Variants in DENND1A observed in about 807,000 individuals in gnomAD.
DENND1A encodes DENN domain-containing protein 1A.
A neutral mutation model predicts 113.7 loss-of-function variants in DENND1A; 51 were observed. That is an observed-to-expected ratio of 0.45 (90% CI 0.36 to 0.57). DENND1A has a LOEUF of 0.57. Among genes scored for constraint, DENND1A ranks in the 20% least tolerant of loss-of-function variants. The pLI, the probability that DENND1A is intolerant of heterozygous loss-of-function variation, is 0.00. For synonymous variants in DENND1A, 565 were observed against 570.8 expected (o/e 0.99, Z 0.14); for missense variants, 1,258 against 1,395.9 (o/e 0.90, Z 1.57).
intron 13 of DENND1A, among the ~76,000 whole-genome samples, chr9:123,476,262 G>A (rs139432910): frequency 1.3e-5 from 2 of 152,058 alleles, no homozygotes; most frequent in Admixed American, 1.3e-4. Flanking sequence ...AGGGATTTCC[G>A]TATATGAGAG....
intron 19 of DENND1A, among the ~76,000 whole-genome samples, chr9:123,433,173 T>A (rs1016084900): frequency 6.6e-6 from 1 of 152,186 alleles, no homozygotes; most frequent in Non-Finnish European, 1.5e-5. Flanking sequence ...TAGCAACCTA[T>A]GACGTGGACC....
chr9:123,760,970 G>C (rs912068476), intron 4 of DENND1A, among the ~76,000 whole-genome samples: 15 of 152,170 alleles, frequency 9.9e-5, no homozygotes, highest in Non-Finnish European at 2.9e-5. Flanking sequence ...TTCACTTCTA[G>C]AATGTTTAAA....
At chr9:123,655,322 C>A (rs905688067) in intron 8 of DENND1A, among the ~76,000 whole-genome samples, 1 of 152,168 alleles carries the variant, frequency 6.6e-6, no homozygotes, top group Non-Finnish European at 1.5e-5. Context: ...ACGGAGGAAG[C>A]AATGGCTGAG....
intron 5 of DENND1A, among the ~76,000 whole-genome samples, chr9:123,717,120 C>G (rs2067024231): frequency 6.6e-6 from 1 of 152,114 alleles, no homozygotes; most frequent in African/African-American, 2.4e-5. Context: ...ATTTGAGAGA[C>G]CCGGTGGCCA....
At chr9:123,629,475 G>C (rs913813700) in intron 10 of DENND1A, among the ~76,000 whole-genome samples, 1 of 152,232 alleles carries the variant, frequency 6.6e-6, no homozygotes, top group Non-Finnish European at 1.5e-5. Context: ...TGAGGACGAT[G>C]ATGTGTCTGC....
chr9:123,926,848 T>C (rs1200774922), intron 1 of DENND1A, among the ~76,000 whole-genome samples: 2 of 151,836 alleles, frequency 1.3e-5, no homozygotes, highest in Non-Finnish European at 2.9e-5. Context: ...TCTCAAGAAG[T>C]TTATGTCCAG....
intron 5 of DENND1A, among the ~76,000 whole-genome samples, chr9:123,693,833 A>ATTAT (rs1554962972): frequency 2.2e-4 from 33 of 147,474 alleles, no homozygotes; most frequent in African/African-American, 8.2e-4. Context: ...TATTATTATT[A>ATTAT]TTATTATTAT....
At chr9:123,528,295 T>A (rs980687322) in intron 13 of DENND1A, among the ~76,000 whole-genome samples, 3 of 152,322 alleles carry the variant, frequency 2.0e-5, no homozygotes, top group Admixed American at 1.3e-4. Context: ...GTGAAGCCAT[T>A]TTCTTCTTGG....
intron 1 of DENND1A, among the ~76,000 whole-genome samples, chr9:123,904,870 C>G (rs960014264): frequency 6.6e-6 from 1 of 152,136 alleles, no homozygotes; most frequent in East Asian, 1.9e-4. Flanking sequence ...CACACAGATA[C>G]TCCTTGAGAA....
chr9:123,578,450 G>A (rs920686726), intron 12 of DENND1A, among the ~76,000 whole-genome samples: 1 of 152,208 alleles, frequency 6.6e-6, no homozygotes, highest in East Asian at 1.9e-4. Context: ...CGCAATCACA[G>A]CTCACTGCAA....
Position 123,436,207 on chromosome 9 carries a change from C to T in DENND1A, c.1488+4153G>A, listed in dbSNP as rs866570432. Among the ~76,000 whole-genome samples the T allele has an allele frequency of 2.0e-5, 3 of 152,188 alleles. No homozygotes were observed. In the South Asian group the frequency reaches 6.2e-4, roughly 31 times the overall value. ...CCCTCCCAGAGGAAGAGGAAGAATG[C>T]CTTCCCGGGGAGTCTGGGAGAAGGA... On this transcript the variant is annotated intron_variant, in intron 19 of 23. Transcript: ENST00000394215.
intron 2 of DENND1A, among the ~76,000 whole-genome samples, chr9:123,793,404 C>CTAT (rs1833303401): frequency 6.6e-6 from 1 of 152,134 alleles, no homozygotes; most frequent in African/African-American, 2.4e-5. Flanking sequence ...AAATTAAAAG[C>CTAT]TATTAGCATT....
intron 13 of DENND1A, among the ~76,000 whole-genome samples, chr9:123,525,639 A>G (rs2054770394): frequency 6.6e-6 from 1 of 152,114 alleles, no homozygotes; most frequent in African/African-American, 2.4e-5. Flanking sequence ...CACTCCAAAC[A>G]CAGTACAAAA....
At chr9:123,783,145 C>T (rs990203509) in intron 3 of DENND1A, among the ~76,000 whole-genome samples, 1 of 152,196 alleles carries the variant, frequency 6.6e-6, no homozygotes, top group African/African-American at 2.4e-5. Flanking sequence ...ATATAGATTT[C>T]ACAACTGGAA....
intron 13 of DENND1A, among the ~76,000 whole-genome samples, chr9:123,514,094 GTGTA>G (rs145617909): frequency 0.017 from 779 of 46,540 alleles, 4 homozygotes; most frequent in Middle Eastern, 0.026. Flanking sequence ...GTGTGTGTGT[GTGTA>G]TGTGTGTGTG....
At chr9:123,606,687 T>G (rs1461056366) in intron 11 of DENND1A, among the ~76,000 whole-genome samples, 1 of 152,260 alleles carries the variant, frequency 6.6e-6, no homozygotes, top group African/African-American at 2.4e-5. Context: ...ATTACAGCTT[T>G]CCAAGCATTC....
At chr9:123,775,840 G>A (rs1427070388) in intron 3 of DENND1A, among the ~76,000 whole-genome samples, 2 of 152,104 alleles carry the variant, frequency 1.3e-5, no homozygotes, top group African/African-American at 2.4e-5. Flanking sequence ...TACAACACAC[G>A]AAAAAGCAGT....
chr9:123,848,801 T>A (rs764570138), intron 2 of DENND1A, among the ~76,000 whole-genome samples: 2 of 152,106 alleles, frequency 1.3e-5, no homozygotes, highest in Non-Finnish European at 2.9e-5. Context: ...GATAATAAAG[T>A]GAAACAGCCT....
intron 12 of DENND1A, among the ~76,000 whole-genome samples, chr9:123,571,692 C>G (rs536473780): frequency 3.9e-5 from 6 of 152,176 alleles, no homozygotes; most frequent in African/African-American, 1.4e-4. Context: ...GTTTATTTAT[C>G]CATCTACCAT....
Sources: gnomAD v4.1 joint callset for allele counts (sites outside exome capture counted in the v4.1 genomes callset) on GRCh38, gnomAD v4.1.1 for gene constraint, MANE v1.5 for transcripts, NCBI Gene and HGNC (gene_info 2026-07-23, HGNC 2026-07-21) for gene names.